The following DTNB variants were observed in gnomAD, a reference collection of about 807,000 sequenced individuals.
The protein encoded by DTNB is dystrobrevin beta, also known as DTN-B.
A neutral mutation model predicts 90.7 loss-of-function variants in DTNB; 63 were observed. The ratio of observed to expected loss-of-function variants is 0.69; its 90% CI spans 0.57 to 0.86. DTNB has a LOEUF of 0.86. Ranked by LOEUF, DTNB falls within the 40% of genes least tolerant of loss-of-function variation. The pLI is 0.00. For missense variants in DTNB, 744 were observed against 807.1 expected, an observed-to-expected ratio of 0.92 and a Z score of 0.95; for synonymous variants, 277 against 286.7, an observed-to-expected ratio of 0.97 and a Z score of 0.34.
At position 25,540,850 on chromosome 2, in the gene DTNB, CGTTAAGA is replaced by C. The variant is rs1329161125; in HGVS notation, c.877-9260_877-9254del. 2.6e-5 allele frequency among the ~76,000 whole-genome samples: 4 copies of C among 151,978 alleles called. No homozygotes were observed. In the East Asian group the frequency reaches 7.7e-4, roughly 29 times the overall value. Reference sequence around the variant, plus strand: ...AACAGATGCTTGAAGGCAGCATGCTCGTTAAGAGTCATCACCACTCCCTAATCTCAAG... The same window carrying C: ...AACAGATGCTTGAAGGCAGCATGCTCGTCATCACCACTCCCTAATCTCAAG... On this transcript the variant is annotated intron_variant, in intron 8 of 20. Coordinates refer to ENST00000406818, the MANE Select transcript of DTNB (RefSeq NM_021907.5).
chr2:25,514,519 T>C (rs958584719), intron 9 of DTNB, among the ~76,000 whole-genome samples: 4 of 73,544 alleles, frequency 5.4e-5, no homozygotes, highest in Admixed American at 4.4e-4. Flanking sequence ...AAAAAAGACA[T>C]GTGCTGGGTT....
At chr2:25,614,143 C>G (rs1374288724) in intron 4 of DTNB, among the ~76,000 whole-genome samples, 1 of 152,134 alleles carries the variant, frequency 6.6e-6, no homozygotes, top group East Asian at 1.9e-4. Flanking sequence ...CAATTCCTGA[C>G]ACTCTCAGAA....
At chr2:25,510,656 C>T (rs150045103) in intron 9 of DTNB, among the ~76,000 whole-genome samples, 1,717 of 152,106 alleles carry the variant, frequency 0.011, 23 homozygotes, top group African/African-American at 0.037. Flanking sequence ...TACAGGCACC[C>T]GCCACCACAC....
At chr2:25,445,151 G>C (rs958775996) in intron 12 of DTNB, among the ~76,000 whole-genome samples, 2 of 152,176 alleles carry the variant, frequency 1.3e-5, no homozygotes, top group Admixed American at 6.5e-5. Context: ...AACTCAGTAA[G>C]ACTATATAAC....
At chr2:25,612,550 A>G (rs2148566860) in intron 4 of DTNB, among the ~76,000 whole-genome samples, 2 of 152,248 alleles carry the variant, frequency 1.3e-5, no homozygotes, top group East Asian at 3.9e-4. Context: ...ACTCAAAACA[A>G]GAAAAAGGTG....
At chr2:25,409,398 T>G (rs1454740739) in intron 16 of DTNB, among the ~76,000 whole-genome samples, 1 of 152,070 alleles carries the variant, frequency 6.6e-6, no homozygotes, top group Non-Finnish European at 1.5e-5. Flanking sequence ...ATGAGGAAAA[T>G]GAGGTTTGTA....
intron 8 of DTNB, among the ~76,000 whole-genome samples, chr2:25,571,849 T>C (rs75752706): frequency 6.0e-5 from 9 of 151,052 alleles, no homozygotes; most frequent in African/African-American, 2.0e-4. Context: ...TCAAACTGCC[T>C]TGGCTGAGAA....
At chr2:25,514,963 G>GT (rs2074769213) in intron 9 of DTNB, among the ~76,000 whole-genome samples, 2 of 151,994 alleles carry the variant, frequency 1.3e-5, no homozygotes, top group Admixed American at 6.5e-5. Context: ...GATTACAGGC[G>GT]TGAGTCACCG....
intron 9 of DTNB, among the ~76,000 whole-genome samples, chr2:25,525,480 T>C (rs1408482044): frequency 6.6e-6 from 1 of 151,788 alleles, no homozygotes; most frequent in African/African-American, 2.4e-5. Flanking sequence ...CTACCAAAAA[T>C]ATAAAATTAG....
chr2:25,513,242 G>A (rs991342746), intron 9 of DTNB, among the ~76,000 whole-genome samples: 2 of 152,194 alleles, frequency 1.3e-5, no homozygotes, highest in Non-Finnish European at 2.9e-5. Flanking sequence ...GAGGCTCAAT[G>A]TCTGCATGAA....
intron 6 of DTNB, among the ~76,000 whole-genome samples, chr2:25,589,716 G>A (rs1329820597): frequency 1.3e-5 from 2 of 152,186 alleles, no homozygotes; most frequent in Non-Finnish European, 2.9e-5. Context: ...TAAAAATTCC[G>A]TGCAAGGTGG....
At chr2:25,526,395 A>ATATATATATATATATATATT in intron 9 of DTNB, among the ~76,000 whole-genome samples, 2 of 49,828 alleles carry the variant, frequency 4.0e-5, no homozygotes, top group Non-Finnish European at 6.7e-5. Flanking sequence ...ATATATATAT[A>ATATATATATATATATATATT]TTTTTTTTTT....
At chr2:25,643,950 C>A (rs962654141) in intron 2 of DTNB, among the ~76,000 whole-genome samples, 5 of 152,162 alleles carry the variant, frequency 3.3e-5, no homozygotes, top group African/African-American at 1.2e-4. Context: ...CTAAAACCCA[C>A]CAAAACCAAG....
At chr2:25,386,861 G>C (rs1475153764) in intron 18 of DTNB, among the ~76,000 whole-genome samples, 2 of 152,222 alleles carry the variant, frequency 1.3e-5, no homozygotes, top group East Asian at 1.9e-4. Flanking sequence ...GGAGAGAGCA[G>C]AAAGGCAGCA....
At chr2:25,482,111 C>T (rs2065093294) in intron 10 of DTNB, among the ~76,000 whole-genome samples, 2 of 152,124 alleles carry the variant, frequency 1.3e-5, no homozygotes, top group African/African-American at 2.4e-5. Flanking sequence ...TCTTTAATGG[C>T]CATGCCCTTG....
At chr2:25,561,580 G>A (rs938680048) in intron 8 of DTNB, among the ~76,000 whole-genome samples, 3 of 152,220 alleles carry the variant, frequency 2.0e-5, no homozygotes, top group Admixed American at 1.3e-4. Context: ...GGAGGTGACT[G>A]CATTATGGGG....
chr2:25,401,619 T>C (rs1186763323), intron 16 of DTNB, among the ~76,000 whole-genome samples: 4 of 152,260 alleles, frequency 2.6e-5, no homozygotes, highest in Non-Finnish European at 4.4e-5. Flanking sequence ...CTTCTTTCTT[T>C]TTCCTCATGG....
intron 19 of DTNB, among the ~76,000 whole-genome samples, chr2:25,381,080 G>A (rs1257281823): frequency 2.0e-5 from 3 of 152,214 alleles, no homozygotes; most frequent in East Asian, 1.9e-4. Flanking sequence ...GAGGCCATGG[G>A]AAAAAGCTAC....
chr2:25,386,721 A>G (rs1377289873), intron 18 of DTNB, among the ~76,000 whole-genome samples: 1 of 152,240 alleles, frequency 6.6e-6, no homozygotes, highest in Non-Finnish European at 1.5e-5. Flanking sequence ...GGAGAGACTG[A>G]GAAAGAAGTC....
Sources: gnomAD v4.1 joint callset for allele counts (sites outside exome capture counted in the v4.1 genomes callset) on GRCh38, gnomAD v4.1.1 for gene constraint, MANE v1.5 for transcripts, NCBI Gene and HGNC (gene_info 2026-07-23, HGNC 2026-07-21) for gene names.